Variants in NEDD4 observed in about 807,000 individuals in gnomAD.
NEDD4 encodes NEDD4 E3 ubiquitin protein ligase.
In NEDD4, 99 loss-of-function variants were observed where a neutral mutation model predicts 144.9. That is an observed-to-expected ratio of 0.68 (90% confidence interval 0.58 to 0.81). The LOEUF is 0.81. NEDD4 is among the 30% of genes least tolerant of loss of function. The pLI is 0.00. For missense variants in NEDD4, 985 were observed against 1,065.9 expected (o/e 0.92, Z 1.06); for synonymous variants, 318 against 350.6 (o/e 0.91, Z 1.04).
At chr15:55,959,649 T>C (rs758413665) in intron 2 of NEDD4, among the ~76,000 whole-genome samples, 6 of 152,342 alleles carry the variant, frequency 3.9e-5, no homozygotes, top group Non-Finnish European at 7.3e-5. Flanking sequence ...TTACATAAGA[T>C]TGTAATCCAT....
At position 55,834,096 on chromosome 15, in the gene NEDD4, T is replaced by C; in HGVS notation, c.2372A>G (p.His791Arg). 1 of 1,613,746 alleles carries C rather than the reference T, an allele frequency of 6.2e-7. No homozygotes were observed. Among genetic ancestry groups the C allele is most frequent in the African/African-American group, 1.3e-5 (1 of 75,058 alleles). ...GDVDVNDWRE[H>R]TKYKNGYSAN... The stretch of plus-strand genomic sequence containing the variant: ...ACTGTAGCCATTTTTATACTTTGTA[T>C]GTTCCCTCCAGTCATTCACATCAAC... Residue 791 changes from histidine (H) to arginine (R), a missense_variant, in exon 26 of 29, where the codon CAT (histidine) becomes CGT (arginine). His to Arg is a conservative substitution (Grantham distance 29). Transcript: ENST00000435532.
chr15:55,955,814 A>ATTTTT (rs71297639), intron 2 of NEDD4, among the ~76,000 whole-genome samples: 1 of 130,270 alleles, frequency 7.7e-6, no homozygotes. Flanking sequence ...TCTATACTAC[A>ATTTTT]TTTTTTTTTT....
At chr15:55,924,324 G>A (rs186109155) in intron 5 of NEDD4, 273 of 235,810 alleles carry the variant, frequency 1.2e-3, no homozygotes, top group Non-Finnish European at 9.1e-4. Flanking sequence ...GAGCCATGGA[G>A]TAGGAACCAG....
At chr15:55,977,159 A>G (rs1466820298) in intron 1 of NEDD4, among the ~76,000 whole-genome samples, 4 of 152,204 alleles carry the variant, frequency 2.6e-5, no homozygotes, top group African/African-American at 9.7e-5. Flanking sequence ...GCCTCGCTAA[A>G]TAAGATAGTC....
Position 55,828,100 on chromosome 15 carries a change from C to T in NEDD4, c.*1797G>A, listed in dbSNP as rs938714264. 3.9e-5 allele frequency: 6 copies of T among 152,114 alleles called. No individual in the cohort carries two copies. Among genetic ancestry groups the T allele is most frequent in the Non-Finnish European group, 7.3e-5 (5 of 68,036 alleles). 9.4% of individuals were successfully genotyped at this position (152,114 alleles called of 1,614,324 possible). On this transcript the variant is annotated 3_prime_UTR_variant, in exon 29 of 29. Transcript: ENST00000435532. ...CTGGTTGACAATGGTGAAGACAAAA[C>T]GCAGGGTACATTAATCTGTGAATTG...
chr15:55,968,167 TAC>T (rs1329172928), intron 1 of NEDD4, among the ~76,000 whole-genome samples: 1 of 152,110 alleles, frequency 6.6e-6, no homozygotes, highest in Non-Finnish European at 1.5e-5. Flanking sequence ...CATGGATCTT[TAC>T]AAATAATTCC....
At chr15:55,975,404 T>A (rs1701258824) in intron 1 of NEDD4, among the ~76,000 whole-genome samples, 1 of 152,072 alleles carries the variant, frequency 6.6e-6, no homozygotes, top group Admixed American at 6.5e-5. Context: ...GGATACAAAA[T>A]CAATACACAA....
chr15:55,913,756 C>A (rs1405327973), intron 5 of NEDD4, among the ~76,000 whole-genome samples: 1 of 151,984 alleles, frequency 6.6e-6, no homozygotes, highest in Non-Finnish European at 1.5e-5. Flanking sequence ...ATTTAAAATA[C>A]TCTTCTCAAA....
At chr15:55,963,253 T>G (rs538764974) in intron 2 of NEDD4, among the ~76,000 whole-genome samples, 2 of 151,602 alleles carry the variant, frequency 1.3e-5, no homozygotes, top group African/African-American at 4.8e-5. Context: ...AACCTCAGCC[T>G]CCTTTGTAGC....
chr15:55,856,735 T>C (rs1190004430), intron 11 of NEDD4, among the ~76,000 whole-genome samples: 1 of 152,174 alleles, frequency 6.6e-6, no homozygotes, highest in African/African-American at 2.4e-5. Context: ...CTTCAGCCAC[T>C]TCCCACTTCG....
chr15:55,981,965 T>C (rs867451753), intron 1 of NEDD4, among the ~76,000 whole-genome samples: 1 of 152,236 alleles, frequency 6.6e-6, no homozygotes, highest in Non-Finnish European at 1.5e-5. Flanking sequence ...CAACTCATCA[T>C]TACTTTACAT....
At chr15:55,900,516 C>T (rs1029196191) in intron 5 of NEDD4, among the ~76,000 whole-genome samples, 12 of 152,228 alleles carry the variant, frequency 7.9e-5, no homozygotes, top group Middle Eastern at 3.4e-3. Flanking sequence ...ATTTTACCAC[C>T]TGTTGCTAAT....
chr15:55,945,980 G>A (rs1566963903), intron 4 of NEDD4, among the ~76,000 whole-genome samples: 1 of 152,162 alleles, frequency 6.6e-6, no homozygotes, highest in East Asian at 1.9e-4. Flanking sequence ...CACCAGGCCT[G>A]CCTTACAAGA....
chr15:55,911,402 G>C (rs566940874), intron 5 of NEDD4, among the ~76,000 whole-genome samples: 114 of 152,080 alleles, frequency 7.5e-4, no homozygotes, highest in Non-Finnish European at 2.9e-4. Context: ...ATCAAGACTC[G>C]GTTCAAATGT....
chr15:55,857,274 T>C lies in NEDD4; in HGVS notation c.961-1078A>G, dbSNP rs76624857. ...TATTCTTTAGGTCTTTGACCACTAATAGTAACTGAGGGAGCATATATTAGT... is the reference window on the plus strand; with the variant it reads ...TATTCTTTAGGTCTTTGACCACTAACAGTAACTGAGGGAGCATATATTAGT... On this transcript the variant is annotated intron_variant, in intron 11 of 28. Coordinates refer to ENST00000435532, the MANE Select transcript of NEDD4 (RefSeq NM_006154.4). Among the ~76,000 whole-genome samples the C allele has an allele frequency of 3.9e-5, 6 of 152,334 alleles. No individual in the cohort carries two copies. In the East Asian group the frequency reaches 9.6e-4, roughly 24 times the overall value.
intron 1 of NEDD4, among the ~76,000 whole-genome samples, chr15:55,992,960 C>T (rs2038011189): frequency 6.6e-6 from 1 of 152,182 alleles, no homozygotes; most frequent in Admixed American, 6.5e-5. Flanking sequence ...ATTTATGTTC[C>T]TGCTCTCCCA....
intron 2 of NEDD4, among the ~76,000 whole-genome samples, chr15:55,957,231 T>C (rs1031358762): frequency 6.6e-6 from 1 of 152,214 alleles, no homozygotes; most frequent in Admixed American, 6.5e-5. Flanking sequence ...GTACAAACCA[T>C]GTTGTCTGCA....
At chr15:55,833,793 A>G (rs949761646) in intron 26 of NEDD4, among the ~76,000 whole-genome samples, 2 of 152,242 alleles carry the variant, frequency 1.3e-5, no homozygotes, top group Non-Finnish European at 2.9e-5. Flanking sequence ...ACTTTAGTAG[A>G]AAACTAAGTG....
intron 1 of NEDD4, among the ~76,000 whole-genome samples, chr15:55,967,440 C>CTG (rs200788423): frequency 0.19 from 27,528 of 141,884 alleles, 2,647 homozygotes; most frequent in Middle Eastern, 0.25. Context: ...CATAACTATG[C>CTG]TGTGTGTGTG....
Sources: gnomAD v4.1 joint callset for allele counts (sites outside exome capture counted in the v4.1 genomes callset) on GRCh38, gnomAD v4.1.1 for gene constraint, MANE v1.5 for transcripts, NCBI Gene and HGNC (gene_info 2026-07-23, HGNC 2026-07-21) for gene names.